The following MAP2K4 variants were observed in gnomAD, a reference collection of about 807,000 sequenced individuals.
MAP2K4 encodes the protein dual specificity mitogen-activated protein kinase kinase 4.
In MAP2K4, 4 loss-of-function variants were observed where a neutral mutation model predicts 48.5. The observed-to-expected ratio is 0.08, with a 90% confidence interval of 0.04 to 0.19. The LOEUF (loss-of-function observed/expected upper bound fraction) is 0.19. MAP2K4 is among the 10% of genes least tolerant of loss of function. The probability of loss-of-function intolerance (pLI) is 1.00; values close to 1 mark genes in which losing one functional copy is unlikely to be tolerated. For synonymous variants in MAP2K4, 166 were observed against 173.1 expected, an observed-to-expected ratio of 0.96 and a Z score of 0.32; for missense variants, 258 against 493.3, an observed-to-expected ratio of 0.52 and a Z score of 4.52.
At chr17:12,052,032 G>C (rs1385584513) in intron 1 of MAP2K4, among the ~76,000 whole-genome samples, 2 of 151,814 alleles carry the variant, frequency 1.3e-5, no homozygotes, top group Admixed American at 1.3e-4. Flanking sequence ...TTGACATTTT[G>C]GGGCCTTCCT....
At chr17:12,095,763 G>T in intron 4 of MAP2K4, 69 bp downstream of exon 4, 4 of 1,523,978 alleles carry the variant, frequency 2.6e-6, no homozygotes, top group Non-Finnish European at 3.6e-6. Flanking sequence ...GGCAGGATTC[G>T]ATTCTATTCT....
intron 2 of MAP2K4, among the ~76,000 whole-genome samples, chr17:12,067,323 C>T (rs897783663): frequency 6.6e-6 from 1 of 152,076 alleles, no homozygotes; most frequent in Non-Finnish European, 1.5e-5. Flanking sequence ...AATTTTCAGC[C>T]CTTTTCTTGT....
chr17:12,083,404 T>C (rs1462988994), intron 3 of MAP2K4, among the ~76,000 whole-genome samples: 5 of 152,226 alleles, frequency 3.3e-5, no homozygotes, highest in Non-Finnish European at 2.9e-5. Context: ...GGGATGCTAT[T>C]AAAAATCCCA....
At chr17:12,129,884 G>A (rs1972970765) in intron 9 of MAP2K4, among the ~76,000 whole-genome samples, 1 of 152,180 alleles carries the variant, frequency 6.6e-6, no homozygotes, top group Non-Finnish European at 1.5e-5. Context: ...TGTATATGTA[G>A]CACCTAAGAA....
chr17:12,088,991 A>G lies in MAP2K4; in HGVS notation c.394-6584A>G, dbSNP rs183305011. On this transcript the variant is annotated intron_variant, in intron 3 of 10. Coordinates refer to ENST00000353533, the MANE Select transcript of MAP2K4 (RefSeq NM_003010.4). ...CAGTGGCATGATCTTGGCTCACTGC[A>G]AGCTCCGCCTCCCGGGTTCACGCCA... Among the ~76,000 whole-genome samples the G allele has an allele frequency of 1.4e-3, 215 of 150,114 alleles. 6 individuals carry two copies. The East Asian group carries it at 0.039, about 27-fold the overall frequency.
At chr17:12,026,437 G>A (rs1280747114) in intron 1 of MAP2K4, among the ~76,000 whole-genome samples, 1 of 152,130 alleles carries the variant, frequency 6.6e-6, no homozygotes, top group Non-Finnish European at 1.5e-5. Flanking sequence ...TACAACCTGA[G>A]AAACTTTAAT....
At chr17:12,075,822 T>C (rs979727470) in intron 2 of MAP2K4, among the ~76,000 whole-genome samples, 6 of 152,210 alleles carry the variant, frequency 3.9e-5, no homozygotes, top group Non-Finnish European at 1.5e-5. Context: ...TGTTAAAATA[T>C]ATTAAGTGAA....
chr17:12,129,295 C>T lies in MAP2K4; in HGVS notation c.1040+8C>T, dbSNP rs1232096178. 6 of 1,614,152 alleles carry T rather than the reference C, an allele frequency of 3.7e-6. No individual in the cohort carries two copies. Among genetic ancestry groups the T allele is most frequent in the South Asian group, 2.2e-5 (2 of 91,082 alleles). On this transcript the variant is annotated splice_region_variant and intron_variant, in intron 9 of 10. Transcript: ENST00000353533. ...CAACTTTGTCAACTTGTGGTGAGTA[C>T]CTGATTTATGAATGGTCGAACACGC...
intron 1 of MAP2K4, among the ~76,000 whole-genome samples, chr17:12,040,469 C>T (rs1201063407): frequency 1.3e-5 from 2 of 152,188 alleles, no homozygotes; most frequent in African/African-American, 4.8e-5. Context: ...TACCCTGGAA[C>T]ATGAGTTGAC....
At chr17:12,135,362 G>T (rs1306289815) in intron 9 of MAP2K4, among the ~76,000 whole-genome samples, 1 of 151,998 alleles carries the variant, frequency 6.6e-6, no homozygotes, top group African/African-American at 2.4e-5. Context: ...GGGATTACAG[G>T]CGCGAGCCAC....
At chr17:12,092,707 G>C (rs1002989902) in intron 3 of MAP2K4, among the ~76,000 whole-genome samples, 4 of 152,164 alleles carry the variant, frequency 2.6e-5, no homozygotes, top group Non-Finnish European at 5.9e-5. Flanking sequence ...AAATGTTACA[G>C]TTCAACCCTA....
At position 12,081,060 on chromosome 17, in the gene MAP2K4, T is replaced by C. The variant is rs1254095601; in HGVS notation, c.219-296T>C. On this transcript the variant is annotated intron_variant, in intron 2 of 10. Coordinates refer to ENST00000353533, the MANE Select transcript of MAP2K4 (RefSeq NM_003010.4). The surrounding 1 kb of genome is among the most constrained non-coding windows in gnomAD (Gnocchi z 4.2). Reference sequence around the variant, plus strand: ...TTGAATAAGATCTTATATTTAGAAATGAAAACTGATCTGCAGAATTAGTTT... The same window carrying C: ...TTGAATAAGATCTTATATTTAGAAACGAAAACTGATCTGCAGAATTAGTTT... Among the ~76,000 whole-genome samples the C allele has an allele frequency of 6.6e-6, 1 of 152,196 alleles. No homozygotes were observed. The highest frequency in any genetic ancestry group is 1.9e-4 in the East Asian group (1 of 5,198).
rs557420020 is a variant in MAP2K4 at position 12,142,630 on chromosome 17, C to G, written c.*1370C>G. Reference sequence around the variant, plus strand: ...AAACGGCAGCCTTTACGTTCATCACCTGCTAGAACCTCTCGTAGTCCATCA... The same window carrying G: ...AAACGGCAGCCTTTACGTTCATCACGTGCTAGAACCTCTCGTAGTCCATCA... On this transcript the variant is annotated 3_prime_UTR_variant, in exon 11 of 11. Coordinates refer to ENST00000353533, the MANE Select transcript of MAP2K4 (RefSeq NM_003010.4). 1 of 233,004 alleles carries G rather than the reference C, an allele frequency of 4.3e-6. No individual in the cohort carries two copies. The highest frequency in any genetic ancestry group is 2.2e-5 in the African/African-American group (1 of 45,338). The allele number at this position is 233,004 out of a possible 1,614,324, so 14.4% of individuals were successfully genotyped here.
chr17:12,095,562 C>A lies in MAP2K4; in HGVS notation c.394-13C>A. On this transcript the variant is annotated splice_polypyrimidine_tract_variant and intron_variant, in intron 3 of 10. Transcript: ENST00000353533. ...ATTGTGTTTTTTTGACATCTTTTGT[C>A]ATTCTTTTCCAGAGAATTCGGTCAA... 6.2e-7 allele frequency: 1 copy of A among 1,612,828 alleles called. No homozygotes were observed. Among genetic ancestry groups the A allele is most frequent in the South Asian group, 1.1e-5 (1 of 90,860 alleles).
chr17:12,122,518 C>G (rs532376626), intron 7 of MAP2K4, among the ~76,000 whole-genome samples: 15 of 152,222 alleles, frequency 9.9e-5, no homozygotes, highest in Non-Finnish European at 1.8e-4. Flanking sequence ...TATAGAAATA[C>G]AACTGCTTTG....
chr17:12,038,154 A>G (rs1382029112), intron 1 of MAP2K4, among the ~76,000 whole-genome samples: 1 of 152,176 alleles, frequency 6.6e-6, no homozygotes, highest in East Asian at 1.9e-4. Flanking sequence ...ACAGAGTAGA[A>G]ATGATATGGA....
chr17:12,128,492 T>G (rs1447150108), intron 8 of MAP2K4, among the ~76,000 whole-genome samples: 2 of 151,872 alleles, frequency 1.3e-5, no homozygotes, highest in Non-Finnish European at 3.0e-5. Flanking sequence ...GGGACATACG[T>G]AAGACTCTTC....
At chr17:12,064,323 C>T (rs185105404) in intron 2 of MAP2K4, among the ~76,000 whole-genome samples, 2 of 152,190 alleles carry the variant, frequency 1.3e-5, no homozygotes, top group East Asian at 3.9e-4. Context: ...CTTAAGTGAT[C>T]CCCCTGCCTC....
chr17:12,138,012 G>A (rs1567678136), intron 9 of MAP2K4, among the ~76,000 whole-genome samples: 1 of 152,068 alleles, frequency 6.6e-6, no homozygotes, highest in East Asian at 1.9e-4. Flanking sequence ...GTTAAGGATT[G>A]ATAATAAGAC....
Sources: allele counts gnomAD v4.1 joint callset (sites outside exome capture counted in the v4.1 genomes callset), GRCh38; gene constraint gnomAD v4.1.1; non-coding constraint Gnocchi (gnomAD v3.1); transcripts MANE v1.5; gene names NCBI Gene and HGNC (gene_info 2026-07-23, HGNC 2026-07-21).